The following ANAPC7 variants were observed in gnomAD, a reference collection of about 807,000 sequenced individuals.
ANAPC7 encodes the protein anaphase-promoting complex subunit 7.
A neutral mutation model predicts 63.3 loss-of-function variants in ANAPC7; 25 were observed. The ratio of observed to expected loss-of-function variants is 0.39; its 90% CI spans 0.29 to 0.55. The LOEUF (loss-of-function observed/expected upper bound fraction) is 0.55, where lower values mean the gene tolerates loss of function less well. Among genes scored for constraint, ANAPC7 ranks in the 20% least tolerant of loss-of-function variants. The pLI is 0.57. For missense variants in ANAPC7, 516 were observed against 691.7 expected (o/e 0.75, Z 2.85); for synonymous variants, 241 against 251.7 (o/e 0.96, Z 0.40).
At chr12:110,395,772 TC>T (rs1883522450) in intron 2 of ANAPC7, among the ~76,000 whole-genome samples, 2 of 152,030 alleles carry the variant, frequency 1.3e-5, no homozygotes, top group African/African-American at 4.8e-5. Context: ...TCTCCTGACC[TC>T]GTGATCCGCC....
chr12:110,394,750 G>A (rs915909091), intron 3 of ANAPC7, among the ~76,000 whole-genome samples: 1 of 151,710 alleles, frequency 6.6e-6, no homozygotes, highest in African/African-American at 2.4e-5. Flanking sequence ...GGAGGCTGAG[G>A]TGGGAGGATT....
At chr12:110,403,404 C>G in intron 1 of ANAPC7, 123 bp downstream of exon 1, 5 of 1,115,446 alleles carry the variant, frequency 4.5e-6, no homozygotes, top group Non-Finnish European at 6.4e-6. Context: ...CCTCGCAGAC[C>G]CCGGAGCCTC....
rs150510693 is a variant in ANAPC7, at chr12:110,373,409, T to C, written c.*735A>G. On this transcript the variant is annotated 3_prime_UTR_variant, in exon 11 of 11. Transcript: ENST00000455511. ...ATAATTCTGGGGCTGAATCAATGCA[T>C]TGCGAATAAGACAAAAATACTAAGA... 9 of 152,228 alleles carry C rather than the reference T, an allele frequency of 5.9e-5. No homozygotes were observed. Among genetic ancestry groups the C allele is most frequent in the African/African-American group, 1.9e-4 (8 of 41,540 alleles). 9.4% of individuals were successfully genotyped at this position (152,228 alleles called of 1,614,324 possible).
chr12:110,375,747 T>C (rs1881206591), intron 10 of ANAPC7: 3 of 995,276 alleles, frequency 3.0e-6, no homozygotes, highest in African/African-American at 3.5e-5. Flanking sequence ...AAGAAGAATA[T>C]AAAATATATA....
chr12:110,396,741 C>T (rs2062145433), intron 1 of ANAPC7, among the ~76,000 whole-genome samples: 1 of 151,786 alleles, frequency 6.6e-6, no homozygotes, highest in African/African-American at 2.4e-5. Context: ...TCTCAAACTC[C>T]CGACCTCAAG....
Position 110,382,895 on chromosome 12 carries a change from A to G in ANAPC7, c.883T>C (p.Cys295Arg). 1 of 1,614,118 alleles carries G rather than the reference A, an allele frequency of 6.2e-7. No homozygotes were observed. Among genetic ancestry groups the G allele is most frequent in the Non-Finnish European group, 8.5e-7 (1 of 1,179,970 alleles). ...TGATCAGAGATATTGAAAAGGCGGC[A>G]TCCAAGGTTCTCAACATCCTCTAGC... ...GRLEDVENLG[C>R]RLFNISDQHA... The change falls in exon 7 of 11, where the codon TGC (cysteine) becomes CGC (arginine). Residue 295 changes from cysteine to arginine, a missense_variant. Physicochemically the swap from Cys to Arg is radical, Grantham distance 180. This residue lies in a region of ANAPC7 where 199 missense variants were observed against 249.3 expected (regional missense o/e 0.80). Coordinates refer to ENST00000455511, the MANE Select transcript of ANAPC7 (RefSeq NM_016238.3).
intron 6 of ANAPC7, among the ~76,000 whole-genome samples, chr12:110,384,091 A>G (rs1882222340): frequency 6.6e-6 from 1 of 151,210 alleles, no homozygotes; most frequent in African/African-American, 2.4e-5. Context: ...AATACCAGCT[A>G]CTCGGGAGGC....
chr12:110,395,295 A>G (rs1266126936), intron 2 of ANAPC7, 75 bp from the exon 3 acceptor site: 13 of 1,420,000 alleles, frequency 9.2e-6, no homozygotes, highest in Admixed American at 2.2e-5. Flanking sequence ...TTAAACATAG[A>G]GTTATCATAT....
At chr12:110,378,440 A>T (rs1227509940) in intron 8 of ANAPC7, 1 of 152,180 alleles carries the variant, frequency 6.6e-6, no homozygotes, top group Non-Finnish European at 1.5e-5. Flanking sequence ...CAAATAAAGG[A>T]CTTATTGTCA....
chr12:110,374,771 T>C (rs1881102448), intron 10 of ANAPC7, among the ~76,000 whole-genome samples: 7 of 152,188 alleles, frequency 4.6e-5, no homozygotes, highest in Admixed American at 2.0e-4. Context: ...ATGATGTAAT[T>C]AAACATAGCA....
chr12:110,386,605 G>A (rs1378268121), intron 5 of ANAPC7, 136 bp from the exon 6 acceptor site: 2 of 857,938 alleles, frequency 2.3e-6, no homozygotes, highest in South Asian at 3.8e-5. Flanking sequence ...AAAACTTTAA[G>A]CTTATGACTT....
At chr12:110,378,822 C>A (rs925065782) in intron 8 of ANAPC7, 1 of 152,046 alleles carries the variant, frequency 6.6e-6, no homozygotes, top group Non-Finnish European at 1.5e-5. Context: ...CTTCCACACA[C>A]TATGGTTACT....
chr12:110,392,984 G>A lies in ANAPC7; in HGVS notation c.408+2117C>T, dbSNP rs542450662. Among the ~76,000 whole-genome samples, 25 of 152,138 alleles carry A rather than the reference G, an allele frequency of 1.6e-4. No homozygotes were observed. In the South Asian group the frequency reaches 5.0e-3, roughly 30 times the overall value. On this transcript the variant is annotated intron_variant, in intron 3 of 10. Coordinates refer to ENST00000455511, the MANE Select transcript of ANAPC7 (RefSeq NM_016238.3). ...CTAATTTTATATTTTTAGTAGAGAC[G>A]GGGTTTCTCCATGTTGGTCAAGCTG...
In ANAPC7 at chr12:110,377,374, G is replaced by A. The variant is rs754314981; in HGVS notation, c.1357+19C>T. The A allele has an allele frequency of 6.2e-7, 1 of 1,603,626 alleles. No homozygotes were observed. Among genetic ancestry groups the A allele is most frequent in the South Asian group, 1.1e-5 (1 of 90,774 alleles). On this transcript the variant is annotated intron_variant, in intron 9 of 10. Transcript: ENST00000455511. ...ATAAAAATTAATGATGAACAGGACAGAAAATAAGACACACTTACTAAGTAG... is the reference window on the plus strand; with the variant it reads ...ATAAAAATTAATGATGAACAGGACAAAAAATAAGACACACTTACTAAGTAG...
chr12:110,403,632 C>A lies in ANAPC7; in HGVS notation c.-5G>T. On this transcript the variant is annotated 5_prime_UTR_variant, in exon 1 of 11. Transcript: ENST00000455511. ...CACGTGGTCTATCACATTCATCCTG[C>A]TCTGCAAAGCCGCGGGCAGCGGCGG... 1 of 1,596,726 alleles carries A rather than the reference C, an allele frequency of 6.3e-7. No individual in the cohort carries two copies.
intron 1 of ANAPC7, among the ~76,000 whole-genome samples, chr12:110,400,922 A>T (rs2062218842): frequency 6.6e-6 from 1 of 151,246 alleles, no homozygotes; most frequent in South Asian, 2.1e-4. Context: ...TGGTGGTGCG[A>T]ATCTGTAATC....
Position 110,374,122 on chromosome 12 carries a change from CG to C in ANAPC7, c.*21del. 1 of 1,594,398 alleles carries C rather than the reference CG, an allele frequency of 6.3e-7. No individual in the cohort carries two copies. Among genetic ancestry groups the C allele is most frequent in the Non-Finnish European group, 8.5e-7 (1 of 1,172,694 alleles). On this transcript the variant is annotated 3_prime_UTR_variant, in exon 11 of 11. Transcript: ENST00000455511. The stretch of plus-strand genomic sequence containing the variant: ...GTGCTCAGAGCAGGGCAGGCCACTG[CG>C]GCCATGGAGCTGCCGCCCCCTCACT...
At chr12:110,387,665 G>C in intron 5 of ANAPC7, 74 bp downstream of exon 5, 1 of 1,511,284 alleles carries the variant, frequency 6.6e-7, no homozygotes, top group Non-Finnish European at 8.9e-7. Flanking sequence ...TTTTCTTTTT[G>C]CTACTTCAGA....
chr12:110,382,931 G>C lies in ANAPC7; in HGVS notation c.847C>G (p.Arg283Gly), dbSNP rs1277531777. The part of the protein sequence containing the change: ...GMDVYGYLLA[R>G]EGRLEDVENL... ...TCAACATCCTCTAGCCGCCCTTCTC[G>C]TGCCAGTAGGTAGCCATATACATCC... Residue 283 changes from arginine to glycine, a missense_variant, in exon 7 of 11, where the codon CGA (arginine) becomes GGA (glycine). Physicochemically the swap from Arg to Gly is moderately radical, Grantham distance 125. Transcript: ENST00000455511. The C allele has an allele frequency of 6.2e-7, 1 of 1,613,686 alleles. No homozygotes were observed. Among genetic ancestry groups the C allele is most frequent in the South Asian group, 1.1e-5 (1 of 91,064 alleles).
Sources: allele counts gnomAD v4.1 joint callset (sites outside exome capture counted in the v4.1 genomes callset), GRCh38; gene constraint gnomAD v4.1.1; regional missense constraint gnomAD v4.1.1; transcripts MANE v1.5; gene names NCBI Gene and HGNC (gene_info 2026-07-23, HGNC 2026-07-21).